Variants in LRRC4C observed in about 807,000 individuals in gnomAD.
LRRC4C encodes the protein leucine rich repeat containing 4C, also known as leucine-rich repeat-containing protein 4C.
A neutral mutation model predicts 33.6 loss-of-function variants in LRRC4C; 5 were observed. The observed-to-expected ratio is 0.15, with a 90% CI of 0.08 to 0.31. The LOEUF is 0.31. Ranked by LOEUF, LRRC4C falls within the 10% of genes least tolerant of loss-of-function variation. The probability of loss-of-function intolerance (pLI) is 1.00; values close to 1 mark genes in which losing one functional copy is unlikely to be tolerated. For missense variants in LRRC4C, 560 were observed against 796.7 expected (o/e 0.70, Z 3.58); for synonymous variants, 329 against 302.0 (o/e 1.09, Z -0.93).
At chr11:40,666,626 A>C (rs1447910583) in intron 2 of LRRC4C, among the ~76,000 whole-genome samples, 1 of 152,186 alleles carries the variant, frequency 6.6e-6, no homozygotes, top group Non-Finnish European at 1.5e-5. Flanking sequence ...ATAGTATCTT[A>C]TATCAATGCA....
At chr11:40,910,920 G>T (rs1024728040) in intron 2 of LRRC4C, among the ~76,000 whole-genome samples, 1 of 152,224 alleles carries the variant, frequency 6.6e-6, no homozygotes, top group Non-Finnish European at 1.5e-5. Flanking sequence ...GGCTTGGAGG[G>T]TCCTACGCCC....
intron 4 of LRRC4C, among the ~76,000 whole-genome samples, chr11:40,255,646 A>G (rs1867148419): frequency 6.6e-6 from 1 of 152,096 alleles, no homozygotes; most frequent in African/African-American, 2.4e-5. Flanking sequence ...CCTGCAGGCT[A>G]CTCTGCCTCT....
chr11:40,765,721 G>T (rs1204600567), intron 2 of LRRC4C, among the ~76,000 whole-genome samples: 1 of 151,566 alleles, frequency 6.6e-6, no homozygotes. Context: ...CAGCAGAATT[G>T]ATCAAGCAGA....
intron 2 of LRRC4C, among the ~76,000 whole-genome samples, chr11:40,832,919 G>T (rs1230091421): frequency 6.6e-6 from 1 of 152,044 alleles, no homozygotes; most frequent in Non-Finnish European, 1.5e-5. Flanking sequence ...AGTGTGTTTT[G>T]GTTGTAGATA....
At chr11:40,226,440 ATTG>A (rs2135967197) in intron 5 of LRRC4C, among the ~76,000 whole-genome samples, 1 of 152,322 alleles carries the variant, frequency 6.6e-6, no homozygotes, top group East Asian at 1.9e-4. Flanking sequence ...AATGGCATGG[ATTG>A]TTGCCAATAA....
chr11:41,097,903 C>T (rs1315123150), intron 1 of LRRC4C, among the ~76,000 whole-genome samples: 1 of 152,062 alleles, frequency 6.6e-6, no homozygotes, highest in Non-Finnish European at 1.5e-5. Context: ...CACCCCCATG[C>T]CCTGACAGGT....
In LRRC4C at chr11:40,779,391, A is replaced by G. The variant is rs944463390; in HGVS notation, c.-406-131113T>C. Among the ~76,000 whole-genome samples the G allele has an allele frequency of 1.2e-4, 18 of 152,122 alleles. 1 individual carries two copies. Among genetic ancestry groups the G allele is most frequent in the Admixed American group, 9.8e-4 (15 of 15,274 alleles). The stretch of plus-strand genomic sequence containing the variant: ...TTGGCATGGGGAGTTTTATACCTAT[A>G]TTTTCTAGTTTTTCTGCATTTCACT... On this transcript the variant is annotated intron_variant, in intron 2 of 6. Transcript: ENST00000528697.
intron 2 of LRRC4C, among the ~76,000 whole-genome samples, chr11:40,699,045 C>T (rs1945727300): frequency 6.6e-6 from 1 of 152,136 alleles, no homozygotes; most frequent in African/African-American, 2.4e-5. Flanking sequence ...TCCTACTATT[C>T]ACCCTTTCCT....
intron 2 of LRRC4C, among the ~76,000 whole-genome samples, chr11:40,712,896 T>C (rs527912812): frequency 6.6e-6 from 1 of 152,014 alleles, no homozygotes; most frequent in Non-Finnish European, 1.5e-5. Context: ...TTCTTTCTTT[T>C]TTTTTTAATT....
intron 1 of LRRC4C, among the ~76,000 whole-genome samples, chr11:41,407,760 C>T (rs959196211): frequency 6.6e-6 from 1 of 152,128 alleles, no homozygotes; most frequent in Non-Finnish European, 1.5e-5. Flanking sequence ...TGGTACGATT[C>T]TTATTTCAAA....
chr11:41,210,313 G>A (rs984350607), intron 1 of LRRC4C, among the ~76,000 whole-genome samples: 1 of 152,038 alleles, frequency 6.6e-6, no homozygotes, highest in Admixed American at 6.5e-5. Context: ...CTGAATCATG[G>A]GGGCGGTTTT....
chr11:40,470,566 G>C (rs1002696132), intron 3 of LRRC4C, among the ~76,000 whole-genome samples: 2 of 152,178 alleles, frequency 1.3e-5, no homozygotes, highest in Admixed American at 1.3e-4. Context: ...GGCTTCAGAA[G>C]GTGGGTAATA....
Position 41,036,216 on chromosome 11 carries a change from C to T in LRRC4C, c.-495-102493G>A, listed in dbSNP as rs140293558. On this transcript the variant is annotated intron_variant, in intron 1 of 6. Coordinates refer to ENST00000528697, the MANE Select transcript of LRRC4C (RefSeq NM_001258419.2). The stretch of plus-strand genomic sequence containing the variant: ...TCAGAGGCATGTGAAATTCAAGTAG[C>T]CTTCATTCTTAAATTCATTCTGGGT... Among the ~76,000 whole-genome samples the T allele has an allele frequency of 2.5e-3, 381 of 152,146 alleles. 5 individuals are homozygous for T. Among genetic ancestry groups the T allele is most frequent in the East Asian group, 8.9e-3 (46 of 5,180 alleles).
At chr11:41,209,356 A>C (rs1428907919) in intron 1 of LRRC4C, among the ~76,000 whole-genome samples, 2 of 151,772 alleles carry the variant, frequency 1.3e-5, no homozygotes, top group Non-Finnish European at 2.9e-5. Flanking sequence ...CCCTTTGGGA[A>C]TGTGATTGTC....
At chr11:40,175,557 A>G (rs1860406827) in intron 5 of LRRC4C, among the ~76,000 whole-genome samples, 1 of 152,108 alleles carries the variant, frequency 6.6e-6, no homozygotes, top group African/African-American at 2.4e-5. Flanking sequence ...CTTGAAACCA[A>G]CCTCTTCCTC....
At chr11:40,885,296 A>G (rs1438255099) in intron 2 of LRRC4C, among the ~76,000 whole-genome samples, 1 of 152,056 alleles carries the variant, frequency 6.6e-6, no homozygotes, top group Non-Finnish European at 1.5e-5. Context: ...ATAATTACTT[A>G]AGTCCTCTTT....
chr11:41,296,455 C>T (rs376194816), intron 1 of LRRC4C, among the ~76,000 whole-genome samples: 15 of 152,092 alleles, frequency 9.9e-5, no homozygotes, highest in African/African-American at 3.4e-4. Context: ...TCTGGGATTA[C>T]AGGCACTCAC....
chr11:40,586,553 C>A (rs1958756392), intron 3 of LRRC4C, among the ~76,000 whole-genome samples: 1 of 148,606 alleles, frequency 6.7e-6, no homozygotes, highest in Non-Finnish European at 1.5e-5. Context: ...CTTGCCCATG[C>A]CTATGTCCTG....
intron 3 of LRRC4C, among the ~76,000 whole-genome samples, chr11:40,542,199 T>C (rs938188190): frequency 6.6e-6 from 1 of 152,090 alleles, no homozygotes; most frequent in Non-Finnish European, 1.5e-5. Flanking sequence ...TTCTTGCATT[T>C]ATAAAACAGA....
Sources: allele counts gnomAD v4.1 joint callset (sites outside exome capture counted in the v4.1 genomes callset), GRCh38; gene constraint gnomAD v4.1.1; transcripts MANE v1.5; gene names NCBI Gene and HGNC (gene_info 2026-07-23, HGNC 2026-07-21).